SRL: variants seen among roughly 807,000 people sequenced by gnomAD.
The protein encoded by SRL is sarcalumenin.
Under a neutral mutation model 39.5 loss-of-function variants are expected in SRL, and 23 were observed. The observed-to-expected ratio is 0.58, with a 90% CI of 0.42 to 0.82. The LOEUF (loss-of-function observed/expected upper bound fraction) is 0.82, where lower values mean the gene tolerates loss of function less well. Ranked by LOEUF, SRL falls within the 40% of genes least tolerant of loss-of-function variation. The pLI, the probability that SRL is intolerant of heterozygous loss-of-function variation, is 0.00. For synonymous variants in SRL, 272 were observed against 237.4 expected (o/e 1.15, Z -1.34); for missense variants, 592 against 607.8 (o/e 0.97, Z 0.27).
chr16:4,238,737 C>G (rs991288284), intron 1 of SRL, among the ~76,000 whole-genome samples: 2 of 151,946 alleles, frequency 1.3e-5, no homozygotes, highest in Admixed American at 6.6e-5. Flanking sequence ...ATCCTCCCCC[C>G]TCGGCCTCTC....
chr16:4,229,209 C>T (rs1049093569), intron 1 of SRL, among the ~76,000 whole-genome samples: 10 of 151,924 alleles, frequency 6.6e-5, no homozygotes, highest in South Asian at 4.2e-4. Context: ...TTTGGGAAGC[C>T]GAGGCGGGTG....
intron 1 of SRL, among the ~76,000 whole-genome samples, chr16:4,241,566 C>G (rs1185347033): frequency 6.6e-6 from 1 of 152,242 alleles, no homozygotes; most frequent in Admixed American, 6.5e-5. Flanking sequence ...CCCCTTCTGT[C>G]CACGCAAACC....
At chr16:4,206,881 C>T (rs1156830309) in intron 1 of SRL, 1 of 456,688 alleles carries the variant, frequency 2.2e-6, no homozygotes, top group East Asian at 7.0e-5. Flanking sequence ...GTTCCTGTGG[C>T]TTCCGGAAGC....
chr16:4,191,926 C>A lies in SRL; in HGVS notation c.*227G>T. On this transcript the variant is annotated 3_prime_UTR_variant, in exon 6 of 6. Coordinates refer to ENST00000399609, the MANE Select transcript of SRL (RefSeq NM_001098814.2). ...CAGGTGGAGGCTGACTTGCCTCAAT[C>A]AGGCCTCCTCATTGAAGCAACAAGA... 7 of 475,636 alleles carry A rather than the reference C, an allele frequency of 1.5e-5. No individual in the cohort carries two copies. The South Asian group carries it at 3.4e-4, about 23-fold the overall frequency. The allele number at this position is 475,636 out of a possible 1,614,324, so 29.5% of individuals were successfully genotyped here.
At chr16:4,217,973 G>A (rs189873947) in intron 1 of SRL, among the ~76,000 whole-genome samples, 60 of 152,302 alleles carry the variant, frequency 3.9e-4, no homozygotes, top group African/African-American at 1.4e-3. Context: ...CTCAGGCGAG[G>A]AGCTGCAGGG....
chr16:4,199,084 A>C (rs2052186905), intron 3 of SRL, among the ~76,000 whole-genome samples: 1 of 152,176 alleles, frequency 6.6e-6, no homozygotes, highest in Non-Finnish European at 1.5e-5. Flanking sequence ...TCAGCACTGA[A>C]GTTCTCCAGA....
intron 1 of SRL, among the ~76,000 whole-genome samples, chr16:4,238,376 A>T (rs2052734963): frequency 6.6e-6 from 1 of 152,042 alleles, no homozygotes; most frequent in Non-Finnish European, 1.5e-5. Flanking sequence ...CTGAGTCCAT[A>T]GGCTGACTCT....
chr16:4,212,661 C>T (rs935674330), intron 1 of SRL, among the ~76,000 whole-genome samples: 3 of 152,176 alleles, frequency 2.0e-5, no homozygotes, highest in Admixed American at 6.5e-5. Flanking sequence ...AGGCCAGGCC[C>T]GGGACTGACG....
chr16:4,219,520 A>G (rs1043769450), intron 1 of SRL, among the ~76,000 whole-genome samples: 6 of 152,128 alleles, frequency 3.9e-5, no homozygotes, highest in Non-Finnish European at 2.9e-5. Flanking sequence ...GTAGCGCGAT[A>G]TCGGCTCACT....
intron 1 of SRL, among the ~76,000 whole-genome samples, chr16:4,221,775 T>A (rs1037173564): frequency 6.6e-6 from 1 of 152,204 alleles, no homozygotes; most frequent in Non-Finnish European, 1.5e-5. Flanking sequence ...GAGGGCCACC[T>A]CCTCTGAAAC....
intron 1 of SRL, among the ~76,000 whole-genome samples, chr16:4,204,879 A>C (rs2141034061): frequency 6.6e-6 from 1 of 152,290 alleles, no homozygotes; most frequent in Non-Finnish European, 1.5e-5. Context: ...CTTCTTATCT[A>C]TTTATTTCAT....
At chr16:4,207,269 C>CAG (rs769168345) in intron 1 of SRL, 3 of 456,880 alleles carry the variant, frequency 6.6e-6, no homozygotes, top group Non-Finnish European at 1.3e-5. Flanking sequence ...CCTCCTCAGT[C>CAG]ATCTCTGGGG....
chr16:4,205,570 G>A (rs551677924), intron 1 of SRL, among the ~76,000 whole-genome samples: 1 of 36,692 alleles, frequency 2.7e-5, no homozygotes, highest in East Asian at 3.5e-4. Flanking sequence ...GTCTCTGCTG[G>A]GGGGAGTGAG....
At chr16:4,209,450 C>T (rs2052365395) in intron 1 of SRL, among the ~76,000 whole-genome samples, 1 of 152,138 alleles carries the variant, frequency 6.6e-6, no homozygotes, top group African/African-American at 2.4e-5. Flanking sequence ...CAAGGCCCCT[C>T]TCCGAGGAAG....
At chr16:4,208,943 C>G (rs539438055) in intron 1 of SRL, among the ~76,000 whole-genome samples, 1 of 152,280 alleles carries the variant, frequency 6.6e-6, no homozygotes, top group East Asian at 1.9e-4. Context: ...TGCCAGAGAC[C>G]TCTGTCAAGG....
chr16:4,203,653 C>T (rs1430170552), intron 2 of SRL, among the ~76,000 whole-genome samples: 2 of 152,138 alleles, frequency 1.3e-5, no homozygotes, highest in African/African-American at 2.4e-5. Flanking sequence ...TCCCAAAGTG[C>T]TGGAATTACA....
At chr16:4,212,053 G>C (rs568062030) in intron 1 of SRL, among the ~76,000 whole-genome samples, 40 of 152,294 alleles carry the variant, frequency 2.6e-4, no homozygotes, top group Non-Finnish European at 1.8e-4. Context: ...AATGTTGGAG[G>C]TTCACCGTGA....
chr16:4,224,691 G>A (rs529689224), intron 1 of SRL, among the ~76,000 whole-genome samples: 38 of 150,806 alleles, frequency 2.5e-4, no homozygotes, highest in African/African-American at 6.8e-4. Context: ...CTGCACTCTC[G>A]CCTGGGCAAC....
At chr16:4,226,285 G>A (rs985530914) in intron 1 of SRL, among the ~76,000 whole-genome samples, 1 of 152,230 alleles carries the variant, frequency 6.6e-6, no homozygotes. Flanking sequence ...TGGATGGGTG[G>A]ATGAACGAAT....
Sources: gnomAD v4.1 joint callset for allele counts (sites outside exome capture counted in the v4.1 genomes callset) on GRCh38, gnomAD v4.1.1 for gene constraint, MANE v1.5 for transcripts, NCBI Gene and HGNC (gene_info 2026-07-23, HGNC 2026-07-21) for gene names.